The following RUBCN variants were observed in gnomAD, a reference collection of about 807,000 sequenced individuals.
RUBCN encodes rubicon autophagy regulator.
Under a neutral mutation model 113.2 loss-of-function variants are expected in RUBCN, and 74 were observed. That is an observed-to-expected ratio of 0.65 (90% CI 0.54 to 0.79). The LOEUF is 0.79. Ranked by LOEUF, RUBCN falls within the 30% of genes least tolerant of loss-of-function variation. The pLI is 0.00. For missense variants in RUBCN, 1,109 were observed against 1,251.7 expected (o/e 0.89, Z 1.72); for synonymous variants, 480 against 490.0 (o/e 0.98, Z 0.27).
intron 8 of RUBCN, among the ~76,000 whole-genome samples, chr3:197,696,634 A>T (rs180702028): frequency 6.9e-6 from 1 of 144,982 alleles, no homozygotes; most frequent in East Asian, 2.1e-4. Context: ...CTGGTTACTA[A>T]GCCCAGATAC....
intron 7 of RUBCN, among the ~76,000 whole-genome samples, chr3:197,698,551 G>A (rs1253223077): frequency 7.9e-5 from 12 of 151,596 alleles, no homozygotes; most frequent in African/African-American, 1.5e-4. Flanking sequence ...AAAAGGAAAC[G>A]GAACTGCAGG....
intron 1 of RUBCN, among the ~76,000 whole-genome samples, chr3:197,724,643 GGAA>G (rs1726542143): frequency 6.6e-6 from 1 of 152,296 alleles, no homozygotes; most frequent in Admixed American, 6.5e-5. Context: ...CCAAAGTGGA[GGAA>G]GAAAGATGTG....
At position 197,681,842 on chromosome 3, in the gene RUBCN, A is replaced by C. The variant is rs778647397; in HGVS notation, c.2184T>G (p.Thr728=). Residue 728 remains threonine (T), a synonymous_variant, in exon 15 of 20, where the codon ACT becomes ACG. Transcript: ENST00000296343. This position sits in a 1 kb window ranked among gnomAD's most constrained non-coding sequence, Gnocchi z 5.5. ...GGAAGGGAAGGCACTCACCAGGGTC[A>C]GTCCGGATGCCACATCCTGCACAGC... is the stretch of plus-strand genomic sequence containing the variant. ...NYRCAGCGIR[T]DPDYIKRLRY... 5.6e-6 allele frequency: 9 copies of C among 1,614,006 alleles called. No individual in the cohort carries two copies. In the South Asian group the frequency reaches 8.8e-5, roughly 16 times the overall value.
At chr3:197,747,472 C>T (rs911624970) in intron 1 of RUBCN, among the ~76,000 whole-genome samples, 26 of 151,972 alleles carry the variant, frequency 1.7e-4, no homozygotes, top group Admixed American at 1.7e-3. Flanking sequence ...CCACCTGCCT[C>T]GGCCTCCCAA....
chr3:197,719,085 C>T lies in RUBCN; in HGVS notation c.66-955G>A, dbSNP rs545149165. Reference sequence around the variant, plus strand: ...TCCCATGTGCCAACAGGTTACAATCCGGTCTCATAGGCCTGAGAATCAGTC... The same window carrying T: ...TCCCATGTGCCAACAGGTTACAATCTGGTCTCATAGGCCTGAGAATCAGTC... On this transcript the variant is annotated intron_variant, in intron 1 of 19. Coordinates refer to ENST00000296343, the MANE Select transcript of RUBCN (RefSeq NM_014687.4). Among the ~76,000 whole-genome samples, 9 of 152,264 alleles carry T rather than the reference C, an allele frequency of 5.9e-5. No homozygotes were observed. In the East Asian group the frequency reaches 1.2e-3, roughly 20 times the overall value.
intron 1 of RUBCN, among the ~76,000 whole-genome samples, chr3:197,744,476 C>T (rs912719575): frequency 2.0e-5 from 3 of 152,150 alleles, no homozygotes; most frequent in Admixed American, 6.6e-5. Flanking sequence ...ATGATTAACT[C>T]TCAGCAAATC....
At chr3:197,678,103 C>A (rs1402472587) in intron 16 of RUBCN, among the ~76,000 whole-genome samples, 1 of 140,732 alleles carries the variant, frequency 7.1e-6, no homozygotes, top group African/African-American at 3.0e-5. Context: ...TGACAACTGG[C>A]TTCAGACTGT....
intron 1 of RUBCN, chr3:197,749,235 A>G (rs1560487916): frequency 9.8e-7 from 1 of 1,021,984 alleles, no homozygotes; most frequent in Non-Finnish European, 1.2e-6. Flanking sequence ...AATGAATTAG[A>G]AGAAAATGCA....
Position 197,736,842 on chromosome 3 carries a change from C to A in RUBCN, c.-123G>T, listed in dbSNP as rs1020571430. On this transcript the variant is annotated 5_prime_UTR_variant, in exon 1 of 20. Coordinates refer to ENST00000296343, the MANE Select transcript of RUBCN (RefSeq NM_014687.4). ...CGGCCGGTGGGCTCCGGGTGATGCG[C>A]TACACCCGGGCGGCGACAGCGGGAG... The A allele has an allele frequency of 2.2e-6, 3 of 1,393,720 alleles. No individual in the cohort carries two copies. Among genetic ancestry groups the A allele is most frequent in the South Asian group, 3.2e-5 (2 of 62,822 alleles). The allele number at this position is 1,393,720 out of a possible 1,614,324, so 86.3% of individuals were successfully genotyped here.
Position 197,736,747 on chromosome 3 carries a change from C to T in RUBCN, c.-28G>A, listed in dbSNP as rs759703263. 1.1e-5 allele frequency: 17 copies of T among 1,527,714 alleles called. No homozygotes were observed. Among genetic ancestry groups the T allele is most frequent in the Non-Finnish European group, 1.5e-5 (17 of 1,144,128 alleles). The allele number at this position is 1,527,714 out of a possible 1,614,324, so 94.6% of individuals were successfully genotyped here. On this transcript the variant is annotated 5_prime_UTR_variant, in exon 1 of 20. Transcript: ENST00000296343. ...GGGGCGGTGAGGCCGCCTCTTCGCC[C>T]AAGAGAGGCGTCCCTGCCGCTTCGC...
At chr3:197,738,113 T>G (rs1008322938), upstream of RUBCN, among the ~76,000 whole-genome samples, 3 of 152,240 alleles carry the variant, frequency 2.0e-5, no homozygotes, top group Admixed American at 2.0e-4. Flanking sequence ...TACTTCCAAA[T>G]TTTTAAACGT....
chr3:197,731,956 A>T (rs930188364), intron 1 of RUBCN, among the ~76,000 whole-genome samples: 1 of 152,336 alleles, frequency 6.6e-6, no homozygotes, highest in East Asian at 1.9e-4. Flanking sequence ...AGAATTTTAG[A>T]CCCTGGTGAC....
chr3:197,744,398 T>A (rs956011400), intron 1 of RUBCN, among the ~76,000 whole-genome samples: 1 of 152,172 alleles, frequency 6.6e-6, no homozygotes, highest in African/African-American at 2.4e-5. Context: ...TTAATACATT[T>A]TGCAAGAAAA....
At chr3:197,716,613 T>C (rs538385052) in intron 2 of RUBCN, among the ~76,000 whole-genome samples, 4 of 152,230 alleles carry the variant, frequency 2.6e-5, no homozygotes, top group Non-Finnish European at 5.9e-5. Flanking sequence ...TCCTCCAAGA[T>C]GTCTACATTC....
chr3:197,707,123 CACGA>C, intron 2 of RUBCN, among the ~76,000 whole-genome samples: 1 of 143,050 alleles, frequency 7.0e-6, no homozygotes, highest in Admixed American at 6.7e-5. Context: ...GCAGGCAGAT[CACGA>C]GGTCAGGAGG....
At chr3:197,700,573 A>C in intron 7 of RUBCN, 40 bp downstream of exon 7, 1 of 1,607,782 alleles carries the variant, frequency 6.2e-7, no homozygotes, top group Non-Finnish European at 8.5e-7. Flanking sequence ...CTCTCAATTC[A>C]GGGTCATCTT....
chr3:197,676,385 C>A (rs1416354423), intron 18 of RUBCN: 22 of 905,634 alleles, frequency 2.4e-5, no homozygotes, highest in Non-Finnish European at 3.0e-5. Context: ...ATGATCTCGG[C>A]TCACTGCAAC....
intron 16 of RUBCN, 145 bp downstream of exon 16, chr3:197,680,984 G>C (rs930304255): frequency 1.6e-6 from 1 of 615,320 alleles, no homozygotes; most frequent in African/African-American, 1.9e-5. Flanking sequence ...AACCAGGGGA[G>C]GGGACAAGGA....
intron 11 of RUBCN, among the ~76,000 whole-genome samples, chr3:197,687,177 CT>C (rs1472866895): frequency 6.6e-6 from 1 of 152,202 alleles, no homozygotes; most frequent in Non-Finnish European, 1.5e-5. Context: ...CCCAACGTAT[CT>C]GGGAATCCAA....
Sources: gnomAD v4.1 joint callset for allele counts (sites outside exome capture counted in the v4.1 genomes callset) on GRCh38, gnomAD v4.1.1 for gene constraint, Gnocchi (gnomAD v3.1) non-coding constraint, MANE v1.5 for transcripts, NCBI Gene and HGNC (gene_info 2026-07-23, HGNC 2026-07-21) for gene names.